The following PRKAR1A variants were observed in gnomAD, a reference collection of about 807,000 sequenced individuals.
The protein encoded by PRKAR1A is protein kinase cAMP-dependent type I regulatory subunit alpha.
In PRKAR1A, 3 loss-of-function variants were observed where a neutral mutation model predicts 52.0. The observed-to-expected ratio is 0.06, with a 90% confidence interval of 0.03 to 0.15. The LOEUF is 0.15. PRKAR1A is among the 10% of genes least tolerant of loss of function. The probability of loss-of-function intolerance (pLI) is 1.00; values close to 1 mark genes in which losing one functional copy is unlikely to be tolerated. For missense variants in PRKAR1A, 240 were observed against 477.4 expected (o/e 0.50, Z 4.63); for synonymous variants, 188 against 168.4 (o/e 1.12, Z -0.90).
the PRKAR1A span, among the ~76,000 whole-genome samples, chr17:68,452,666 G>C: frequency 4.6e-5 from 7 of 152,318 alleles, no homozygotes; most frequent in Admixed American, 2.6e-4. Flanking sequence ...TCAATAATAT[G>C]ATTTCACACA....
chr17:68,514,560 TATCCATTAAATGTA>T (rs2085369832), intron 1 of PRKAR1A, among the ~76,000 whole-genome samples: 1 of 152,216 alleles, frequency 6.6e-6, no homozygotes, highest in Admixed American at 6.5e-5. Context: ...AAATGCAATT[TATCCATTAAATGTA>T]ATCCATTAAA....
the PRKAR1A span, among the ~76,000 whole-genome samples, chr17:68,416,732 T>G: frequency 2.0e-5 from 3 of 152,192 alleles, no homozygotes; most frequent in Admixed American, 6.5e-5. Context: ...AGCTCTGAAT[T>G]TCTTTCTTCT....
At chr17:68,542,095 T>C (rs781048825) in intron 11 of PRKAR1A, 1 of 1,613,774 alleles carries the variant, frequency 6.2e-7, no homozygotes, top group Non-Finnish European at 8.5e-7. Flanking sequence ...CCAGCAGGTG[T>C]GGGTTGCCAC....
At chr17:68,468,275 T>A in the PRKAR1A span, among the ~76,000 whole-genome samples, 1 of 152,148 alleles carries the variant, frequency 6.6e-6, no homozygotes. Flanking sequence ...GATATCTGCA[T>A]CTGGGGCTAA....
chr17:68,441,644 G>A, the PRKAR1A span, among the ~76,000 whole-genome samples: 1 of 152,192 alleles, frequency 6.6e-6, no homozygotes. Flanking sequence ...GCTGTCCTAT[G>A]GGACAGAGAG....
chr17:68,475,983 G>T, the PRKAR1A span, among the ~76,000 whole-genome samples: 1 of 151,944 alleles, frequency 6.6e-6, no homozygotes, highest in Non-Finnish European at 1.5e-5. Context: ...TTTTGGGGGG[G>T]TTATTATGTT....
chr17:68,463,133 T>G, the PRKAR1A span, among the ~76,000 whole-genome samples: 1 of 152,086 alleles, frequency 6.6e-6, no homozygotes, highest in South Asian at 2.1e-4. Context: ...GGGGCGTGGC[T>G]AAGAATCCCG....
rs1486332924 is a variant in PRKAR1A at position 68,515,568 on chromosome 17, T to C, written c.169T>C (p.Leu57=). Residue 57 remains leucine, a synonymous_variant, in exon 2 of 11, where the codon TTG becomes CTG. Coordinates refer to ENST00000589228, the MANE Select transcript of PRKAR1A (RefSeq NM_002734.5). The stretch of plus-strand genomic sequence containing the variant: ...ATTCCTCAGGGAATACTTTGAGAGG[T>C]TGGAGAAGGTAAAAATAAATGTGGG... ...MAFLREYFER[L]EKEEAKQIQN... is the part of the protein sequence containing the mutation. 3 of 1,612,132 alleles carry C rather than the reference T, an allele frequency of 1.9e-6. No individual in the cohort carries two copies. The highest frequency in any genetic ancestry group is 1.1e-5 in the South Asian group (1 of 90,982).
At chr17:68,526,481 C>G (rs2085795223) in intron 7 of PRKAR1A, among the ~76,000 whole-genome samples, 1 of 152,302 alleles carries the variant, frequency 6.6e-6, no homozygotes, top group Admixed American at 6.5e-5. Flanking sequence ...ATGCATTGGT[C>G]ATTTTTAATG....
chr17:68,539,328 A>C (rs753713680), intron 11 of PRKAR1A: 3 of 1,614,028 alleles, frequency 1.9e-6, no homozygotes, highest in Non-Finnish European at 2.5e-6. Context: ...CTGCTGCAGG[A>C]AAACTTACAT....
At chr17:68,482,202 A>G in the PRKAR1A span, among the ~76,000 whole-genome samples, 1 of 152,266 alleles carries the variant, frequency 6.6e-6, no homozygotes, top group Admixed American at 6.5e-5. Context: ...AGACAGACGG[A>G]TTTGACTGCA....
chr17:68,487,957 C>T, the PRKAR1A span, among the ~76,000 whole-genome samples: 1 of 151,696 alleles, frequency 6.6e-6, no homozygotes, highest in Non-Finnish European at 1.5e-5. Flanking sequence ...AAAAAATGCA[C>T]TCATGAAGCT....
chr17:68,530,468 C>G lies in PRKAR1A; in HGVS notation c.*19C>G, dbSNP rs1431178595. 1 of 1,613,966 alleles carries G rather than the reference C, an allele frequency of 6.2e-7. No individual in the cohort carries two copies. Among genetic ancestry groups the G allele is most frequent in the East Asian group, 2.2e-5 (1 of 44,884 alleles). On this transcript the variant is annotated 3_prime_UTR_variant, in exon 11 of 11. Transcript: ENST00000589228. Reference sequence around the variant, plus strand: ...TGTCTGAAATCTGCCTCCTGTGCCTCCCTTTTCTCCTCTCCCCAATCCATG... The same window carrying G: ...TGTCTGAAATCTGCCTCCTGTGCCTGCCTTTTCTCCTCTCCCCAATCCATG...
chr17:68,458,148 A>G, the PRKAR1A span, among the ~76,000 whole-genome samples: 2 of 152,208 alleles, frequency 1.3e-5, no homozygotes, highest in Non-Finnish European at 2.9e-5. Flanking sequence ...AGAGATAGCA[A>G]GTTATCTTAT....
chr17:68,431,458 T>C, the PRKAR1A span, among the ~76,000 whole-genome samples: 2 of 151,924 alleles, frequency 1.3e-5, no homozygotes, highest in South Asian at 2.1e-4. Context: ...TGGTGGCTGC[T>C]GGGCTCTGCA....
At chr17:68,544,074 T>A (rs1289548157) in intron 11 of PRKAR1A, among the ~76,000 whole-genome samples, 1 of 152,150 alleles carries the variant, frequency 6.6e-6, no homozygotes, top group Admixed American at 6.5e-5. Context: ...AGGGGAATGG[T>A]TAGCAGAACC....
chr17:68,433,777 T>TTTTGTTTG, the PRKAR1A span, among the ~76,000 whole-genome samples: 4 of 63,616 alleles, frequency 6.3e-5, no homozygotes, highest in African/African-American at 2.0e-4. Flanking sequence ...TTTTTTTTTT[T>TTTTGTTTG]TTTTTTTTTT....
the PRKAR1A span, chr17:68,428,813 A>C: frequency 6.3e-7 from 1 of 1,598,486 alleles, no homozygotes; most frequent in Non-Finnish European, 8.6e-7. Context: ...TGTCTTTTGA[A>C]AAGCAGTCTC....
chr17:68,523,014 A>T (rs559473017), intron 3 of PRKAR1A, 88 bp downstream of exon 3: 1 of 1,514,234 alleles, frequency 6.6e-7, no homozygotes, highest in Non-Finnish European at 9.0e-7. Flanking sequence ...ATCATAAAAT[A>T]CAAAACAGGG....
Sources: gnomAD v4.1 joint callset for allele counts (sites outside exome capture counted in the v4.1 genomes callset) on GRCh38, gnomAD v4.1.1 for gene constraint, MANE v1.5 for transcripts, NCBI Gene and HGNC (gene_info 2026-07-23, HGNC 2026-07-21) for gene names.